Variants in GRHL2 observed in about 807,000 individuals in gnomAD.
GRHL2 encodes grainyhead-like protein 2 homolog.
In GRHL2, 21 loss-of-function variants were observed where a neutral mutation model predicts 83.8. The ratio of observed to expected loss-of-function variants is 0.25; its 90% confidence interval spans 0.18 to 0.36. The LOEUF is 0.36. Ranked by LOEUF, GRHL2 falls within the 10% of genes least tolerant of loss-of-function variation. The pLI is 1.00. For synonymous variants in GRHL2, 280 were observed against 278.9 expected (o/e 1.00, Z -0.04); for missense variants, 623 against 781.8 (o/e 0.80, Z 2.42).
chr8:101,555,236 TG>T (rs1156887687), intron 3 of GRHL2, among the ~76,000 whole-genome samples: 11 of 152,200 alleles, frequency 7.2e-5, no homozygotes, highest in Non-Finnish European at 1.2e-4. Flanking sequence ...GTAACAACTT[TG>T]TAGCCAATAA....
At chr8:101,496,794 AC>A (rs1810115503) in intron 1 of GRHL2, among the ~76,000 whole-genome samples, 1 of 152,076 alleles carries the variant, frequency 6.6e-6, no homozygotes, top group Admixed American at 6.6e-5. Flanking sequence ...GCCCTAAGAT[AC>A]CTGGGGTAAG....
chr8:101,561,681 T>C (rs983679278), intron 4 of GRHL2, among the ~76,000 whole-genome samples: 84 of 152,224 alleles, frequency 5.5e-4, no homozygotes, highest in Non-Finnish European at 5.0e-4. Flanking sequence ...TAGCCATGAA[T>C]TTTTGCCATT....
chr8:101,562,423 G>T, intron 4 of GRHL2: 1 of 549,560 alleles, frequency 1.8e-6, no homozygotes, highest in South Asian at 2.1e-5. Flanking sequence ...AATTATTGTG[G>T]ACAAACGTCA....
At chr8:101,539,666 C>T (rs186120314) in intron 1 of GRHL2, among the ~76,000 whole-genome samples, 1 of 152,250 alleles carries the variant, frequency 6.6e-6, no homozygotes, top group Admixed American at 6.5e-5. Flanking sequence ...AATGGACTCT[C>T]CAAAATAAAT....
chr8:101,535,014 T>C (rs998018618), intron 1 of GRHL2, among the ~76,000 whole-genome samples: 2 of 152,212 alleles, frequency 1.3e-5, no homozygotes, highest in African/African-American at 2.4e-5. Context: ...TCTCATTTAA[T>C]TTATCAGCTC....
intron 8 of GRHL2, among the ~76,000 whole-genome samples, chr8:101,614,702 A>G (rs1344532315): frequency 2.0e-5 from 3 of 152,360 alleles, no homozygotes; most frequent in Middle Eastern, 3.4e-3. Context: ...CCTGCTGTGC[A>G]TGGAGCTGAG....
At chr8:101,540,550 G>A (rs1057212657) in intron 1 of GRHL2, among the ~76,000 whole-genome samples, 2 of 152,172 alleles carry the variant, frequency 1.3e-5, no homozygotes, top group Non-Finnish European at 2.9e-5. Context: ...CCTAGCGACC[G>A]GAATTCCACT....
intron 8 of GRHL2, among the ~76,000 whole-genome samples, chr8:101,613,075 T>C (rs934964346): frequency 6.6e-6 from 1 of 150,576 alleles, no homozygotes; most frequent in African/African-American, 2.5e-5. Context: ...AGAGTTGACA[T>C]TGGACTGAAT....
chr8:101,609,029 A>T (rs1481585668), intron 8 of GRHL2, among the ~76,000 whole-genome samples: 1 of 150,412 alleles, frequency 6.6e-6, no homozygotes, highest in Non-Finnish European at 1.5e-5. Context: ...AGTTAGTGTT[A>T]ATTGTAAAGA....
At chr8:101,623,889 C>T (rs1223195270) in intron 9 of GRHL2, among the ~76,000 whole-genome samples, 2 of 149,596 alleles carry the variant, frequency 1.3e-5, no homozygotes, top group African/African-American at 5.0e-5. Flanking sequence ...GGACAGTTCA[C>T]AGTACACAGT....
chr8:101,580,895 G>C (rs1356015090), intron 7 of GRHL2, among the ~76,000 whole-genome samples: 4 of 151,854 alleles, frequency 2.6e-5, no homozygotes, highest in Non-Finnish European at 4.4e-5. Flanking sequence ...AGTAGAGACG[G>C]GGTTTCACTG....
intron 1 of GRHL2, among the ~76,000 whole-genome samples, chr8:101,503,680 C>G (rs374231696): frequency 1.2e-4 from 19 of 152,044 alleles, no homozygotes; most frequent in Admixed American, 1.2e-3. Context: ...ACCCTAAAAG[C>G]CTGGCTATCA....
Position 101,619,676 on chromosome 8 carries a change from G to A in GRHL2, c.1236G>A (p.Gln412=). 6.2e-7 allele frequency: 1 copy of A among 1,612,722 alleles called. No individual in the cohort carries two copies. The highest frequency in any genetic ancestry group is 2.2e-5 in the East Asian group (1 of 44,792). ...AACCCATTCATAGAGCTTATTGCCA[G>A]ATCAAGGTCTTCTGTGACAAAGTGA... ...SNKPIHRAYC[Q]IKVFCDKGAE... is the part of the protein sequence containing the mutation. Residue 412 remains glutamine, a synonymous_variant, in exon 9 of 16, where the codon CAG becomes CAA. Transcript: ENST00000646743.
intron 7 of GRHL2, among the ~76,000 whole-genome samples, chr8:101,586,734 G>A (rs1472444955): frequency 6.6e-6 from 1 of 152,174 alleles, no homozygotes; most frequent in Non-Finnish European, 1.5e-5. Flanking sequence ...TAATCGATGA[G>A]CACACTGCCA....
intron 15 of GRHL2, 80 bp downstream of exon 15, chr8:101,664,598 C>A: frequency 9.8e-7 from 1 of 1,023,222 alleles, no homozygotes; most frequent in South Asian, 1.3e-5. Context: ...TGATGCCTGT[C>A]TTTTGTTAGG....
chr8:101,590,895 C>G (rs1000436861), intron 7 of GRHL2, among the ~76,000 whole-genome samples: 9 of 152,272 alleles, frequency 5.9e-5, no homozygotes, highest in Admixed American at 5.9e-4. Flanking sequence ...AGAAGAGAAG[C>G]AATCTTTATA....
chr8:101,666,994 G>A lies in GRHL2; in HGVS notation c.*291G>A. 1 of 514,564 alleles carries A rather than the reference G, an allele frequency of 1.9e-6. No homozygotes were observed. Among genetic ancestry groups the A allele is most frequent in the East Asian group, 3.6e-5 (1 of 27,926 alleles). The allele number at this position is 514,564 out of a possible 1,614,324, so 31.9% of individuals were successfully genotyped here. ...TGGAGCCCAGGTCCAGGCCCGCCAG[G>A]ACTCTGCAGGTCACTGCTAGCTCCA... On this transcript the variant is annotated 3_prime_UTR_variant, in exon 16 of 16. Coordinates refer to ENST00000646743, the MANE Select transcript of GRHL2 (RefSeq NM_024915.4).
chr8:101,616,318 C>T (rs539245223), intron 8 of GRHL2, among the ~76,000 whole-genome samples: 18 of 151,906 alleles, frequency 1.2e-4, no homozygotes, highest in Non-Finnish European at 2.4e-4. Context: ...TTACAGGTGC[C>T]CACCACCATA....
chr8:101,514,752 C>T (rs941920324), intron 1 of GRHL2, among the ~76,000 whole-genome samples: 2 of 152,154 alleles, frequency 1.3e-5, no homozygotes, highest in Non-Finnish European at 2.9e-5. Context: ...CAGGTAGTGA[C>T]TTATTTCCAG....
Sources: allele counts gnomAD v4.1 joint callset (sites outside exome capture counted in the v4.1 genomes callset), GRCh38; gene constraint gnomAD v4.1.1; transcripts MANE v1.5; gene names NCBI Gene and HGNC (gene_info 2026-07-23, HGNC 2026-07-21).